USP34: variants seen among roughly 807,000 people sequenced by gnomAD.
The protein encoded by USP34 is ubiquitin carboxyl-terminal hydrolase 34.
Under a neutral mutation model 460.3 loss-of-function variants are expected in USP34, and 70 were observed. The observed-to-expected ratio is 0.15, with a 90% CI of 0.13 to 0.19. USP34 has a LOEUF of 0.19. Ranked by LOEUF, USP34 falls within the 10% of genes least tolerant of loss-of-function variation. The pLI, the probability that USP34 is intolerant of heterozygous loss-of-function variation, is 1.00. For synonymous variants in USP34, 1,647 were observed against 1,405.3 expected (o/e 1.17, Z -3.85); for missense variants, 3,985 against 4,236.2 (o/e 0.94, Z 1.65).
chr2:61,340,319 A>G (rs184445272), intron 16 of USP34, among the ~76,000 whole-genome samples: 1 of 152,326 alleles, frequency 6.6e-6, no homozygotes, highest in Non-Finnish European at 1.5e-5. Flanking sequence ...GTTATAGGAC[A>G]TTTGGATAGT....
At chr2:61,421,886 T>C (rs1345477979) in intron 1 of USP34, among the ~76,000 whole-genome samples, 2 of 152,132 alleles carry the variant, frequency 1.3e-5, no homozygotes, top group South Asian at 2.1e-4. Flanking sequence ...CCAGAAATGC[T>C]GGTAAGCTGA....
At chr2:61,387,938 C>T (rs1315551771) in intron 5 of USP34, among the ~76,000 whole-genome samples, 1 of 146,372 alleles carries the variant, frequency 6.8e-6, no homozygotes, top group East Asian at 1.9e-4. Flanking sequence ...TACACACACA[C>T]ACACACACAC....
Position 61,223,122 on chromosome 2 carries a change from T to C in USP34, c.7687A>G (p.Ile2563Val), listed in dbSNP as rs748108252. The stretch of plus-strand genomic sequence containing the variant: ...AAAATCAGATTACAAGTTTGTCTTA[T>C]ATTGATGCCATCACGAATATGTTGA... ...LFQHIRDGIN[I>V]RQTCNLIFSL... The change falls in exon 64 of 80, where the codon ATA becomes GTA. Residue 2563 changes from isoleucine to valine, a missense_variant. Coordinates refer to ENST00000398571, the MANE Select transcript of USP34 (RefSeq NM_014709.4). 6.2e-7 allele frequency: 1 copy of C among 1,614,182 alleles called. No homozygotes were observed. The highest frequency in any genetic ancestry group is 1.7e-5 in the Admixed American group (1 of 60,028).
At chr2:61,469,355 G>A (rs1167135877) in intron 1 of USP34, among the ~76,000 whole-genome samples, 1 of 152,106 alleles carries the variant, frequency 6.6e-6, no homozygotes, top group Non-Finnish European at 1.5e-5. Context: ...TAAGTATTGA[G>A]GATTTAAGTT....
At chr2:61,206,687 G>T in intron 71 of USP34, 73 bp downstream of exon 71, 1 of 1,548,858 alleles carries the variant, frequency 6.5e-7, no homozygotes, top group Non-Finnish European at 8.7e-7. Context: ...TTTCTCTGGG[G>T]CACATGATTT....
intron 41 of USP34, among the ~76,000 whole-genome samples, chr2:61,275,330 A>T (rs1689339455): frequency 6.6e-6 from 1 of 152,184 alleles, no homozygotes; most frequent in South Asian, 2.1e-4. Context: ...TGAATAGCCA[A>T]GCATGGCGGT....
At chr2:61,400,023 G>C (rs1693665125) in intron 3 of USP34, among the ~76,000 whole-genome samples, 1 of 151,518 alleles carries the variant, frequency 6.6e-6, no homozygotes, top group South Asian at 2.1e-4. Context: ...TACATGAGTT[G>C]ATCCCATCCT....
At chr2:61,310,305 ATTGT>A (rs542441030) in intron 27 of USP34, among the ~76,000 whole-genome samples, 100 of 152,308 alleles carry the variant, frequency 6.6e-4, no homozygotes, top group African/African-American at 2.1e-3. Context: ...TCTCTGTCAC[ATTGT>A]TTGTAATAGC....
At chr2:61,363,264 T>C (rs1223690516) in intron 10 of USP34, among the ~76,000 whole-genome samples, 1 of 152,182 alleles carries the variant, frequency 6.6e-6, no homozygotes, top group Non-Finnish European at 1.5e-5. Context: ...CTGGTGAGAA[T>C]GTAAAATGGT....
chr2:61,448,460 G>A (rs1256121895), intron 1 of USP34, among the ~76,000 whole-genome samples: 3 of 152,042 alleles, frequency 2.0e-5, no homozygotes, highest in African/African-American at 4.8e-5. Flanking sequence ...TCTCAAGGAC[G>A]GGGAAAAAAA....
intron 34 of USP34, among the ~76,000 whole-genome samples, chr2:61,287,913 T>A (rs1179612394): frequency 1.3e-5 from 2 of 152,218 alleles, no homozygotes; most frequent in Non-Finnish European, 2.9e-5. Flanking sequence ...CACCCTTTTA[T>A]ACACTTGTTC....
At chr2:61,400,398 C>T (rs1693680360) in intron 3 of USP34, among the ~76,000 whole-genome samples, 1 of 151,972 alleles carries the variant, frequency 6.6e-6, no homozygotes, top group East Asian at 1.9e-4. Context: ...TGTGAGCCAC[C>T]GCGCCCGGCC....
chr2:61,198,478 T>C (rs564922398), intron 75 of USP34, among the ~76,000 whole-genome samples: 251 of 152,278 alleles, frequency 1.6e-3, no homozygotes, highest in African/African-American at 5.8e-3. Context: ...AAATGGACTC[T>C]TGACTAGTAC....
chr2:61,262,174 C>G (rs1688909459), intron 43 of USP34, among the ~76,000 whole-genome samples: 1 of 138,638 alleles, frequency 7.2e-6, no homozygotes, highest in Non-Finnish European at 1.5e-5. Context: ...TATATGTACA[C>G]AGGTCTCCTT....
At chr2:61,213,564 C>A (rs906258967) in intron 68 of USP34, among the ~76,000 whole-genome samples, 3 of 152,146 alleles carry the variant, frequency 2.0e-5, no homozygotes, top group African/African-American at 7.2e-5. Context: ...CCAATTTAGA[C>A]TGCATATATA....
intron 1 of USP34, among the ~76,000 whole-genome samples, chr2:61,456,595 T>C (rs1452449501): frequency 2.0e-5 from 3 of 152,080 alleles, no homozygotes; most frequent in African/African-American, 7.2e-5. Flanking sequence ...AGTAGGGAGA[T>C]CACTTGAGCC....
At chr2:61,415,408 T>C (rs1237874992) in intron 2 of USP34, among the ~76,000 whole-genome samples, 1 of 152,138 alleles carries the variant, frequency 6.6e-6, no homozygotes, top group African/African-American at 2.4e-5. Flanking sequence ...ACTAGAGAAC[T>C]TTTTTGGCTC....
Position 61,405,821 on chromosome 2 carries a change from T to C in USP34, c.439A>G (p.Ser147Gly). The C allele has an allele frequency of 6.2e-7, 1 of 1,613,650 alleles. No homozygotes were observed. Among genetic ancestry groups the C allele is most frequent in the Non-Finnish European group, 8.5e-7 (1 of 1,179,878 alleles). Reference protein sequence around the residue: ...EESSKSSDPFSLWSTDEKEKL... With the variant: ...EESSKSSDPFGLWSTDEKEKL... Reference sequence around the variant, plus strand: ...TCCTTCTCATCTGTACTCCATAAACTAAAAGGATCAGAACTCTTTGAAGAT... The same window carrying C: ...TCCTTCTCATCTGTACTCCATAAACCAAAAGGATCAGAACTCTTTGAAGAT... The change falls in exon 3 of 80, where the codon AGT becomes GGT. Residue 147 changes from serine (S) to glycine (G), a missense_variant. Transcript: ENST00000398571.
At chr2:61,445,732 C>T (rs528480905) in intron 1 of USP34, among the ~76,000 whole-genome samples, 77 of 152,040 alleles carry the variant, frequency 5.1e-4, no homozygotes, top group Middle Eastern at 6.8e-3. Context: ...CCAAGGCAAG[C>T]GGATCACGAG....
Sources: allele counts gnomAD v4.1 joint callset (sites outside exome capture counted in the v4.1 genomes callset), GRCh38; gene constraint gnomAD v4.1.1; transcripts MANE v1.5; gene names NCBI Gene and HGNC (gene_info 2026-07-23, HGNC 2026-07-21).